Variants in LHFPL2 observed in about 807,000 individuals in gnomAD.
The protein encoded by LHFPL2 is LHFPL tetraspan subfamily member 2.
A neutral mutation model predicts 17.5 loss-of-function variants in LHFPL2; 7 were observed. The observed-to-expected ratio is 0.40, with a 90% CI of 0.23 to 0.75. The LOEUF is 0.75. Ranked by LOEUF, LHFPL2 falls within the 30% of genes least tolerant of loss-of-function variation. The pLI is 0.37. For synonymous variants in LHFPL2, 134 were observed against 116.2 expected, an observed-to-expected ratio of 1.15 and a Z score of -0.99; for missense variants, 241 against 294.8, an observed-to-expected ratio of 0.82 and a Z score of 1.34.
intron 3 of LHFPL2, among the ~76,000 whole-genome samples, chr5:78,542,239 T>G (rs1367471455): frequency 6.6e-6 from 1 of 152,206 alleles, no homozygotes; most frequent in African/African-American, 2.4e-5. Flanking sequence ...CAGGGCTGGC[T>G]TTCCCCAGTG....
At chr5:78,581,627 C>G (rs1307481923) in intron 2 of LHFPL2, among the ~76,000 whole-genome samples, 1 of 152,066 alleles carries the variant, frequency 6.6e-6, no homozygotes, top group Non-Finnish European at 1.5e-5. Context: ...GCCTTGCATC[C>G]CAGGGATGAA....
intron 2 of LHFPL2, among the ~76,000 whole-genome samples, chr5:78,613,638 T>C (rs1249571201): frequency 4.6e-5 from 7 of 152,258 alleles, no homozygotes; most frequent in African/African-American, 1.7e-4. Context: ...CTATTATCTG[T>C]AACTTTCACT....
chr5:78,570,448 A>C (rs531306491), intron 2 of LHFPL2, among the ~76,000 whole-genome samples: 1 of 151,986 alleles, frequency 6.6e-6, no homozygotes, highest in Non-Finnish European at 1.5e-5. Context: ...TGTGTTTCCA[A>C]AACACCAGTG....
At chr5:78,494,540 G>GA (rs146090438) in intron 4 of LHFPL2, 5 of 985,088 alleles carry the variant, frequency 5.1e-6, no homozygotes, top group East Asian at 1.1e-4. Context: ...ATCTGTAGAG[G>GA]AAAAAAACAA....
At chr5:78,529,694 A>G (rs1183349174) in intron 3 of LHFPL2, among the ~76,000 whole-genome samples, 1 of 152,248 alleles carries the variant, frequency 6.6e-6, no homozygotes, top group Admixed American at 6.5e-5. Flanking sequence ...GCATTACATG[A>G]CGAGACAGAT....
intron 4 of LHFPL2, among the ~76,000 whole-genome samples, chr5:78,490,442 A>AAAACTTTC (rs1355087517): frequency 6.6e-6 from 1 of 152,120 alleles, no homozygotes; most frequent in Non-Finnish European, 1.5e-5. Context: ...GCAAAACTTT[A>AAAACTTTC]AAACTTTCTT....
At chr5:78,603,253 T>C (rs1010730209) in intron 2 of LHFPL2, among the ~76,000 whole-genome samples, 2 of 152,234 alleles carry the variant, frequency 1.3e-5, no homozygotes, top group Non-Finnish European at 2.9e-5. Context: ...GTTAAGTAAC[T>C]GACTTGGATG....
chr5:78,611,798 T>C (rs1002965159), intron 2 of LHFPL2, among the ~76,000 whole-genome samples: 5 of 152,224 alleles, frequency 3.3e-5, no homozygotes, highest in Admixed American at 2.0e-4. Context: ...GCAGATCATG[T>C]AGGAGCACAA....
intron 2 of LHFPL2, among the ~76,000 whole-genome samples, chr5:78,576,942 A>C (rs2112435077): frequency 6.6e-6 from 1 of 152,348 alleles, no homozygotes; most frequent in South Asian, 2.1e-4. Context: ...GCAATGCAAT[A>C]GTTCTTTACA....
At chr5:78,543,399 C>T (rs1035010624) in intron 3 of LHFPL2, among the ~76,000 whole-genome samples, 30 of 152,184 alleles carry the variant, frequency 2.0e-4, no homozygotes, top group African/African-American at 6.8e-4. Context: ...CCCCAGACAA[C>T]GAGGCTGCTT....
Position 78,636,296 on chromosome 5 carries a change from A to G in LHFPL2, c.-349-3928T>C, listed in dbSNP as rs531456235. On this transcript the variant is annotated intron_variant, in intron 1 of 4. Transcript: ENST00000380345. ...TGTCCTCTGTGTGCTTACACGTCTA[A>G]TAAGAGGCTTAAAGGGAAACACTTC... Among the ~76,000 whole-genome samples the G allele has an allele frequency of 2.6e-5, 4 of 152,346 alleles. No individual in the cohort carries two copies. In the South Asian group the frequency reaches 8.3e-4, roughly 32 times the overall value.
chr5:78,600,929 C>A (rs894017853), intron 2 of LHFPL2, among the ~76,000 whole-genome samples: 1 of 152,124 alleles, frequency 6.6e-6, no homozygotes, highest in South Asian at 2.1e-4. Context: ...TGTGTCTGAA[C>A]TCAAATTAGC....
chr5:78,598,066 T>C (rs887210747), intron 2 of LHFPL2, among the ~76,000 whole-genome samples: 2 of 152,186 alleles, frequency 1.3e-5, no homozygotes, highest in Non-Finnish European at 2.9e-5. Flanking sequence ...GACTTAGTCA[T>C]AGATAGCAAA....
intron 4 of LHFPL2, 81 bp from the exon 5 acceptor site, chr5:78,489,234 T>A: frequency 6.5e-7 from 1 of 1,536,348 alleles, no homozygotes; most frequent in Non-Finnish European, 8.9e-7. Context: ...GTTACTTGAT[T>A]TGCTTGCTTT....
intron 2 of LHFPL2, among the ~76,000 whole-genome samples, chr5:78,582,743 T>C (rs1302661055): frequency 1.3e-5 from 2 of 152,190 alleles, no homozygotes; most frequent in Non-Finnish European, 2.9e-5. Flanking sequence ...GGTGTGGTGC[T>C]GAAAAAAATG....
chr5:78,632,409 G>A (rs1438348042), intron 1 of LHFPL2, 41 bp from the exon 2 acceptor site: 1 of 152,172 alleles, frequency 6.6e-6, no homozygotes, highest in Non-Finnish European at 1.5e-5. Flanking sequence ...TTATTAACGG[G>A]AGTAGCCAGT....
chr5:78,586,558 A>G (rs1224545912), intron 2 of LHFPL2, among the ~76,000 whole-genome samples: 1 of 152,092 alleles, frequency 6.6e-6, no homozygotes, highest in African/African-American at 2.4e-5. Flanking sequence ...CAAAACCTCA[A>G]CACTCTCAGG....
intron 3 of LHFPL2, among the ~76,000 whole-genome samples, chr5:78,548,576 G>A (rs1184065847): frequency 6.6e-6 from 1 of 152,252 alleles, no homozygotes; most frequent in Non-Finnish European, 1.5e-5. Flanking sequence ...AGCCATGTCT[G>A]TGTAAATCTT....
At chr5:78,490,941 T>G (rs10514138) in intron 4 of LHFPL2, 56,665 of 152,038 alleles carry the variant, frequency 0.37, 12,668 homozygotes, top group Non-Finnish European at 0.5. Context: ...TTTCTTTACC[T>G]ACCTTAACTG....
Sources: allele counts gnomAD v4.1 joint callset (sites outside exome capture counted in the v4.1 genomes callset), GRCh38; gene constraint gnomAD v4.1.1; transcripts MANE v1.5; gene names NCBI Gene and HGNC (gene_info 2026-07-23, HGNC 2026-07-21).